The following DNAJC2 variants were observed in gnomAD, a reference collection of about 807,000 sequenced individuals.
The protein encoded by DNAJC2 is dnaJ homolog subfamily C member 2.
Under a neutral mutation model 94.0 loss-of-function variants are expected in DNAJC2, and 32 were observed. That is an observed-to-expected ratio of 0.34 (90% CI 0.26 to 0.46). DNAJC2 has a LOEUF of 0.46. Ranked by LOEUF, DNAJC2 falls within the 20% of genes least tolerant of loss-of-function variation. The probability of loss-of-function intolerance (pLI) is 1.00; values close to 1 mark genes in which losing one functional copy is unlikely to be tolerated. For synonymous variants in DNAJC2, 210 were observed against 229.7 expected (o/e 0.91, Z 0.77); for missense variants, 550 against 719.5 (o/e 0.76, Z 2.69).
chr7:103,312,353 T>C lies in DNAJC2; in HGVS notation c.*216A>G, dbSNP rs1489154681. 7 of 1,569,570 alleles carry C rather than the reference T, an allele frequency of 4.5e-6. No homozygotes were observed. The highest frequency in any genetic ancestry group is 5.1e-6 in the Non-Finnish European group (6 of 1,165,984). ...AAATAAAAATGAACATGTATATACA[T>C]TTGGAAATTTGAATTAAATACTGTA... On this transcript the variant is annotated 3_prime_UTR_variant, in exon 17 of 17. Coordinates refer to ENST00000379263, the MANE Select transcript of DNAJC2 (RefSeq NM_014377.3).
chr7:103,337,465 AGCTTGCCATTG>A, intron 3 of DNAJC2: 1 of 314,464 alleles, frequency 3.2e-6, no homozygotes, highest in Admixed American at 4.9e-5. Flanking sequence ...ATTTTTTAAA[AGCTTGCCATTG>A]GAGGAGTATT....
chr7:103,337,612 A>G (rs1312842996), intron 3 of DNAJC2, 124 bp downstream of exon 3: 1 of 772,924 alleles, frequency 1.3e-6, no homozygotes, highest in East Asian at 2.7e-5. Flanking sequence ...TGTTATGACA[A>G]TATAACACAT....
chr7:103,315,027 C>T (rs1265500337), intron 15 of DNAJC2, among the ~76,000 whole-genome samples: 2 of 152,066 alleles, frequency 1.3e-5, no homozygotes, highest in Non-Finnish European at 1.5e-5. Context: ...ACAAGTATAC[C>T]CACCCATATA....
chr7:103,327,291 A>T (rs1336613484), intron 4 of DNAJC2: 1 of 1,175,776 alleles, frequency 8.5e-7, no homozygotes, highest in South Asian at 1.3e-5. Context: ...AACGAAAAAA[A>T]AAAAAATCTT....
chr7:103,316,647 T>C, intron 13 of DNAJC2, 183 bp downstream of exon 13: 1 of 600,938 alleles, frequency 1.7e-6, no homozygotes, highest in East Asian at 2.8e-5. Context: ...TATGTGCATG[T>C]GTACTGATGC....
chr7:103,341,914 A>C lies in DNAJC2; in HGVS notation c.105T>G (p.Phe35Leu). 1 of 1,611,054 alleles carries C rather than the reference A, an allele frequency of 6.2e-7. No individual in the cohort carries two copies. Among genetic ancestry groups the C allele is most frequent in the Non-Finnish European group, 8.5e-7 (1 of 1,179,014 alleles). Residue 35 changes from phenylalanine (F) to leucine (L), a missense_variant, in exon 2 of 17, where the codon TTT becomes TTG. Phe to Leu is a conservative substitution (Grantham distance 22). Coordinates refer to ENST00000379263, the MANE Select transcript of DNAJC2 (RefSeq NM_014377.3). ...TGTTTCTCCTCTTAACAAAAGCTTC[A>C]AACCATCTTCCCACAGGTTCAACTT... The part of the protein sequence containing the change: ...LCQVEPVGRW[F>L]EAFVKRRNRN...
chr7:103,323,033 G>A (rs1818505664), intron 7 of DNAJC2, among the ~76,000 whole-genome samples: 2 of 151,878 alleles, frequency 1.3e-5, no homozygotes. Flanking sequence ...AGGTTCAAGT[G>A]AGTCTCCTGC....
At position 103,337,718 on chromosome 7, in the gene DNAJC2, A is replaced by G. The variant is rs765873795; in HGVS notation, c.331+18T>C. The G allele has an allele frequency of 1.9e-6, 3 of 1,599,976 alleles. No individual in the cohort carries two copies. The highest frequency in any genetic ancestry group is 1.7e-5 in the Admixed American group (1 of 59,790). On this transcript the variant is annotated intron_variant, in intron 3 of 16. Coordinates refer to ENST00000379263, the MANE Select transcript of DNAJC2 (RefSeq NM_014377.3). Reference sequence around the variant, plus strand: ...CTATACAAGATATTTGATTATTTCAAAATAACTAAGTACTTACGAGCTGCT... The same window carrying G: ...CTATACAAGATATTTGATTATTTCAGAATAACTAAGTACTTACGAGCTGCT...
At chr7:103,314,047 AACC>A (rs1817908546) in intron 15 of DNAJC2, 1 of 985,360 alleles carries the variant, frequency 1.0e-6, no homozygotes, top group South Asian at 4.7e-5. Flanking sequence ...AACAAAACAA[AACC>A]ACCACCTATT....
intron 5 of DNAJC2, among the ~76,000 whole-genome samples, chr7:103,325,903 T>C (rs1049656530): frequency 6.6e-6 from 1 of 152,176 alleles, no homozygotes; most frequent in Admixed American, 6.5e-5. Flanking sequence ...AGTATACCGA[T>C]TGATAAAGAG....
chr7:103,335,386 C>A (rs1819127001), intron 3 of DNAJC2: 1 of 152,124 alleles, frequency 6.6e-6, no homozygotes, highest in African/African-American at 2.4e-5. Context: ...ATGACAGTTT[C>A]TTTCTAAATA....
chr7:103,314,754 T>A, intron 15 of DNAJC2: 4 of 629,726 alleles, frequency 6.4e-6, no homozygotes, highest in Non-Finnish European at 7.9e-6. Flanking sequence ...AAGTCTCATA[T>A]CTTTAAGTTG....
intron 3 of DNAJC2, among the ~76,000 whole-genome samples, chr7:103,333,865 T>C (rs1819064486): frequency 6.6e-6 from 1 of 152,236 alleles, no homozygotes; most frequent in Non-Finnish European, 1.5e-5. Flanking sequence ...CACCAAAATA[T>C]ATAGCAGTTT....
chr7:103,334,431 C>T (rs915411613), intron 3 of DNAJC2, among the ~76,000 whole-genome samples: 1 of 151,810 alleles, frequency 6.6e-6, no homozygotes, highest in Non-Finnish European at 1.5e-5. Flanking sequence ...GACATGTTGG[C>T]AGGTGCCTGT....
chr7:103,322,660 T>C (rs1211818427), intron 8 of DNAJC2, 28 bp from the exon 9 acceptor site: 2 of 1,613,138 alleles, frequency 1.2e-6, no homozygotes. Context: ...TAATCTCATT[T>C]TGAATTTCTA....
Position 103,316,016 on chromosome 7 carries a change from A to G in DNAJC2, c.1500T>C (p.Ile500=), listed in dbSNP as rs61744156. The change falls in exon 14 of 17, where the codon ATT becomes ATC. Residue 500 remains isoleucine, a synonymous_variant. Transcript: ENST00000379263. The part of the protein sequence containing the change: ...SGVKRTAKDV[I]GKAKSLQKLD... ...GTTTTTGGAGACTCTTTGCTTTGCC[A>G]ATAACATCTTTGGCAGTTCTTTTGA... The G allele has an allele frequency of 7.0e-4, 1,114 of 1,601,394 alleles. 6 individuals carry two copies. The African/African-American group carries it at 0.014, about 20-fold the overall frequency.
At chr7:103,342,508 T>A (rs1360485292) in intron 1 of DNAJC2, among the ~76,000 whole-genome samples, 1 of 152,066 alleles carries the variant, frequency 6.6e-6, no homozygotes, top group African/African-American at 2.4e-5. Context: ...TTTCTCCATG[T>A]TGGTCAGCCT....
chr7:103,326,732 T>C (rs1370418603), intron 4 of DNAJC2, 48 bp from the exon 5 acceptor site: 13 of 1,534,914 alleles, frequency 8.5e-6, no homozygotes, highest in South Asian at 1.2e-5. Flanking sequence ...TTACCTATTT[T>C]TTCCTGCAAG....
chr7:103,340,798 A>G (rs1284234056), intron 2 of DNAJC2, among the ~76,000 whole-genome samples: 1 of 152,210 alleles, frequency 6.6e-6, no homozygotes, highest in African/African-American at 2.4e-5. Context: ...ATGACTTCAA[A>G]AAGTCTTTGG....
Sources: gnomAD v4.1 joint callset for allele counts (sites outside exome capture counted in the v4.1 genomes callset) on GRCh38, gnomAD v4.1.1 for gene constraint, MANE v1.5 for transcripts, NCBI Gene and HGNC (gene_info 2026-07-23, HGNC 2026-07-21) for gene names.